UGT2A3: variants seen among roughly 807,000 people sequenced by gnomAD.
The protein encoded by UGT2A3 is UDP-glucuronosyltransferase 2A3.
UGT2A3 carries 55 observed loss-of-function variants against 44.1 expected under a neutral mutation model. The observed-to-expected ratio is 1.25, with a 90% CI of 1.00 to 1.56. The LOEUF (loss-of-function observed/expected upper bound fraction) is 1.56. Among genes scored for constraint, UGT2A3 ranks in the 40% most tolerant of loss-of-function variants. The pLI is 0.00. For missense variants in UGT2A3, 733 were observed against 621.6 expected (o/e 1.18, Z -1.91); for synonymous variants, 243 against 215.1 (o/e 1.13, Z -1.13).
chr4:68,930,408 C>A, intron 5 of UGT2A3, 138 bp downstream of exon 5: 1 of 864,570 alleles, frequency 1.2e-6, no homozygotes. Context: ...ACAACTATTC[C>A]AGTAACAAGG....
intron 2 of UGT2A3, among the ~76,000 whole-genome samples, chr4:68,937,424 A>G (rs1205340823): frequency 8.5e-5 from 13 of 152,166 alleles, no homozygotes; most frequent in Admixed American, 7.9e-4. Flanking sequence ...AAACTGCACA[A>G]CTACATAGAA....
At chr4:68,944,671 C>G (rs990205406) in intron 2 of UGT2A3, among the ~76,000 whole-genome samples, 11 of 151,654 alleles carry the variant, frequency 7.3e-5, no homozygotes, top group Non-Finnish European at 1.2e-4. Flanking sequence ...GAGGTTGAAA[C>G]CTTGTTTTTC....
chr4:68,947,290 T>C (rs1718414832), intron 1 of UGT2A3, among the ~76,000 whole-genome samples: 1 of 151,800 alleles, frequency 6.6e-6, no homozygotes, highest in South Asian at 2.1e-4. Context: ...CGGAGAAGAT[T>C]CCAACTCACA....
chr4:68,951,165 A>T lies in UGT2A3; in HGVS notation c.596T>A (p.Leu199Gln), dbSNP rs979250062. The T allele has an allele frequency of 2.5e-6, 4 of 1,611,934 alleles. No individual in the cohort carries two copies. In the African/African-American group the frequency reaches 5.3e-5, roughly 22 times the overall value. Residue 199 changes from leucine (L) to glutamine (Q), a missense_variant, in exon 1 of 6, where the codon CTA becomes CAA. Coordinates refer to ENST00000251566, the MANE Select transcript of UGT2A3 (RefSeq NM_024743.4). Reference sequence around the variant, plus strand: ...TTCCAGAAAGGTCATTCTGTCTGTTAGTCCTGTCATAGGCACAGGTACATA... The same window carrying T: ...TTCCAGAAAGGTCATTCTGTCTGTTTGTCCTGTCATAGGCACAGGTACATA... The part of the protein sequence containing the change: ...LSYVPVPMTG[L>Q]TDRMTFLERV...
intron 1 of UGT2A3, among the ~76,000 whole-genome samples, chr4:68,949,523 A>G (rs1718503487): frequency 6.6e-6 from 1 of 151,934 alleles, no homozygotes; most frequent in South Asian, 2.1e-4. Flanking sequence ...TAACAATGAA[A>G]AATTTGAAAA....
intron 2 of UGT2A3, chr4:68,943,377 T>C (rs1272324930): frequency 2.5e-6 from 3 of 1,224,198 alleles, no homozygotes; most frequent in South Asian, 1.4e-5. Context: ...GGTATAACTT[T>C]CCTGGTAAGT....
intron 1 of UGT2A3, among the ~76,000 whole-genome samples, chr4:68,950,212 C>G (rs1451670669): frequency 6.6e-6 from 1 of 151,820 alleles, no homozygotes; most frequent in Non-Finnish European, 1.5e-5. Context: ...TTATTTAAAG[C>G]AAATCAATAC....
At chr4:68,933,640 T>C (rs899173299) in intron 2 of UGT2A3, among the ~76,000 whole-genome samples, 3 of 152,062 alleles carry the variant, frequency 2.0e-5, no homozygotes, top group Non-Finnish European at 4.4e-5. Flanking sequence ...GGCTAGAATC[T>C]TTGGTTAGAT....
At position 68,929,304 on chromosome 4, in the gene UGT2A3, A is replaced by G. The variant is rs1476117072; in HGVS notation, c.*509T>C. The G allele has an allele frequency of 6.6e-6, 1 of 152,262 alleles. No homozygotes were observed. Among genetic ancestry groups the G allele is most frequent in the East Asian group, 1.9e-4 (1 of 5,184 alleles). 9.4% of individuals were successfully genotyped at this position (152,262 alleles called of 1,614,324 possible). On this transcript the variant is annotated 3_prime_UTR_variant, in exon 6 of 6. Transcript: ENST00000251566. ...ATAATGCCATGTCATCATTATTAGC[A>G]ATTTATTTTCTGAGATCACTGATGC... is the stretch of plus-strand genomic sequence containing the variant.
chr4:68,948,378 C>T (rs1021887667), intron 1 of UGT2A3, among the ~76,000 whole-genome samples: 1 of 149,836 alleles, frequency 6.7e-6, no homozygotes, highest in Non-Finnish European at 1.5e-5. Flanking sequence ...TAGTTTTTAG[C>T]TAATGCCAAA....
intron 3 of UGT2A3, among the ~76,000 whole-genome samples, chr4:68,932,007 T>C (rs1443991698): frequency 6.6e-6 from 1 of 151,948 alleles, no homozygotes; most frequent in Non-Finnish European, 1.5e-5. Context: ...AAATGAAATA[T>C]CTTTTGGATA....
chr4:68,951,195 A>G lies in UGT2A3; in HGVS notation c.566T>C (p.Leu189Pro), dbSNP rs774199872. The change falls in exon 1 of 6, where the codon CTT becomes CCT. Residue 189 changes from leucine to proline, a missense_variant. Coordinates refer to ENST00000251566, the MANE Select transcript of UGT2A3 (RefSeq NM_024743.4). ...ERSCGKLPAPLSYVPVPMTGL... is the reference protein window; with the variant it reads ...ERSCGKLPAPPSYVPVPMTGL... ...TGTCATAGGCACAGGTACATAGGAA[A>G]GTGGAGCTGGAAGTTTCCCACAGCT... 3.1e-6 allele frequency: 5 copies of G among 1,612,106 alleles called. No homozygotes were observed. The highest frequency in any genetic ancestry group is 4.2e-6 in the Non-Finnish European group (5 of 1,179,026).
intron 2 of UGT2A3, among the ~76,000 whole-genome samples, chr4:68,942,757 G>C (rs1006948390): frequency 1.3e-5 from 2 of 151,362 alleles, no homozygotes; most frequent in Non-Finnish European, 3.0e-5. Flanking sequence ...AGGCTGAAGA[G>C]ATAGTAGGGA....
intron 1 of UGT2A3, among the ~76,000 whole-genome samples, chr4:68,949,978 C>T (rs898668813): frequency 1.2e-4 from 18 of 151,892 alleles, no homozygotes; most frequent in Non-Finnish European, 2.5e-4. Context: ...AATGCTCTTT[C>T]ACCCCTTTGA....
intron 2 of UGT2A3, chr4:68,943,431 A>G: frequency 2.6e-6 from 2 of 760,304 alleles, no homozygotes; most frequent in Non-Finnish European, 1.8e-6. Context: ...ATTCATCAAT[A>G]CACATCTTAC....
intron 2 of UGT2A3, among the ~76,000 whole-genome samples, chr4:68,940,791 T>TAC (rs1413630665): frequency 7.1e-6 from 1 of 141,036 alleles, no homozygotes; most frequent in African/African-American, 2.6e-5. Flanking sequence ...AATATATATA[T>TAC]ACACACACAC....
chr4:68,945,768 G>A (rs1313765474), intron 1 of UGT2A3, among the ~76,000 whole-genome samples: 2 of 151,404 alleles, frequency 1.3e-5, no homozygotes, highest in African/African-American at 2.4e-5. Flanking sequence ...GCAAAGGACA[G>A]ATGGTTATAT....
At chr4:68,948,823 C>T (rs10006282) in intron 1 of UGT2A3, among the ~76,000 whole-genome samples, 111,249 of 151,618 alleles carry the variant, frequency 0.73, 42,317 homozygotes, top group Non-Finnish European at 0.86. Flanking sequence ...TACAAAGGAA[C>T]AACTGAGGCT....
rs769885848 is a variant in UGT2A3 at position 68,930,133 on chromosome 4, T to C, written c.1305-41A>G. The C allele has an allele frequency of 9.0e-6, 14 of 1,562,420 alleles. No individual in the cohort carries two copies. The East Asian group carries it at 3.2e-4, about 35-fold the overall frequency. ...ACACATAGAACTTAGAAAGTTGTAGTTTTGTTTTCATAAAAGACAGGTAGA... is the reference window on the plus strand; with the variant it reads ...ACACATAGAACTTAGAAAGTTGTAGCTTTGTTTTCATAAAAGACAGGTAGA... On this transcript the variant is annotated intron_variant, in intron 5 of 5. Coordinates refer to ENST00000251566, the MANE Select transcript of UGT2A3 (RefSeq NM_024743.4).
Sources: gnomAD v4.1 joint callset for allele counts (sites outside exome capture counted in the v4.1 genomes callset) on GRCh38, gnomAD v4.1.1 for gene constraint, MANE v1.5 for transcripts, NCBI Gene and HGNC (gene_info 2026-07-23, HGNC 2026-07-21) for gene names.